ATP9B: variants seen among roughly 807,000 people sequenced by gnomAD.
ATP9B encodes the protein probable phospholipid-transporting ATPase IIB.
A neutral mutation model predicts 146.1 loss-of-function variants in ATP9B; 110 were observed. The ratio of observed to expected loss-of-function variants is 0.75; its 90% CI spans 0.65 to 0.88. The LOEUF (loss-of-function observed/expected upper bound fraction) is 0.88. Ranked by LOEUF, ATP9B falls within the 40% of genes least tolerant of loss-of-function variation. ATP9B has a pLI of 0.00. For missense variants in ATP9B, 1,499 were observed against 1,496.4 expected, an observed-to-expected ratio of 1.00 and a Z score of -0.03; for synonymous variants, 604 against 569.7, an observed-to-expected ratio of 1.06 and a Z score of -0.86.
intron 13 of ATP9B, among the ~76,000 whole-genome samples, chr18:79,280,168 G>A (rs770586338): frequency 6.6e-6 from 1 of 152,112 alleles, no homozygotes; most frequent in East Asian, 1.9e-4. Context: ...GATGGAGTAC[G>A]GATATTGACA....
At chr18:79,103,984 C>T (rs1426902250) in intron 2 of ATP9B, among the ~76,000 whole-genome samples, 1 of 152,184 alleles carries the variant, frequency 6.6e-6, no homozygotes, top group Non-Finnish European at 1.5e-5. Context: ...CCACTATTTA[C>T]AGCCAAGAAC....
At chr18:79,124,710 G>A (rs575314380) in intron 4 of ATP9B, among the ~76,000 whole-genome samples, 5 of 152,358 alleles carry the variant, frequency 3.3e-5, no homozygotes, top group Non-Finnish European at 2.9e-5. Context: ...CTATTCGTAA[G>A]GTTAGGGGTT....
At chr18:79,164,621 C>T (rs992649015) in intron 7 of ATP9B, among the ~76,000 whole-genome samples, 2 of 151,862 alleles carry the variant, frequency 1.3e-5, no homozygotes, top group Non-Finnish European at 2.9e-5. Context: ...CAGGAGGCTG[C>T]GGCAGGAGAA....
At chr18:79,290,822 G>A (rs1033481746) in intron 13 of ATP9B, among the ~76,000 whole-genome samples, 2 of 152,214 alleles carry the variant, frequency 1.3e-5, no homozygotes, top group African/African-American at 4.8e-5. Context: ...CGCTGATTAT[G>A]TATGTGTCTT....
At chr18:79,130,926 C>T (rs568980990) in intron 5 of ATP9B, among the ~76,000 whole-genome samples, 73 of 152,208 alleles carry the variant, frequency 4.8e-4, no homozygotes, top group African/African-American at 1.6e-3. Context: ...TTTGGGAGGC[C>T]GAGGCAGGTG....
chr18:79,198,603 A>ATATGGTGTGTTACAACT (rs2095438203), intron 9 of ATP9B, among the ~76,000 whole-genome samples: 2 of 152,200 alleles, frequency 1.3e-5, no homozygotes, highest in African/African-American at 4.8e-5. Context: ...TATATGGTGT[A>ATATGGTGTGTTACAACT]GCCTGTTGCT....
At chr18:79,373,144 A>G (rs972162481) in intron 27 of ATP9B, among the ~76,000 whole-genome samples, 3 of 152,038 alleles carry the variant, frequency 2.0e-5, no homozygotes, top group African/African-American at 7.2e-5. Context: ...CACTTACCAC[A>G]TTGTATACCC....
chr18:79,098,049 C>G (rs2074950357), intron 2 of ATP9B, among the ~76,000 whole-genome samples: 1 of 151,774 alleles, frequency 6.6e-6, no homozygotes, highest in Non-Finnish European at 1.5e-5. Context: ...AGATATAGAT[C>G]AATGGAACAG....
intron 22 of ATP9B, 78 bp from the exon 23 acceptor site, chr18:79,345,697 A>G (rs2147488308): frequency 6.2e-7 from 1 of 1,605,020 alleles, no homozygotes; most frequent in Non-Finnish European, 8.5e-7. Context: ...GAAGTTTCTG[A>G]AATAGCTTCT....
intron 29 of ATP9B, among the ~76,000 whole-genome samples, chr18:79,376,863 G>A (rs2097106148): frequency 6.6e-6 from 1 of 151,846 alleles, no homozygotes; most frequent in Non-Finnish European, 1.5e-5. Flanking sequence ...CCCGGCTAAT[G>A]TTTTGTTGTC....
chr18:79,255,612 G>C (rs1316342848), intron 12 of ATP9B, among the ~76,000 whole-genome samples: 2 of 152,234 alleles, frequency 1.3e-5, no homozygotes, highest in Non-Finnish European at 2.9e-5. Flanking sequence ...AGGCAAAGCA[G>C]GCTGCAGTGA....
chr18:79,142,951 A>C (rs2094531920), intron 5 of ATP9B, among the ~76,000 whole-genome samples: 1 of 152,242 alleles, frequency 6.6e-6, no homozygotes, highest in Non-Finnish European at 1.5e-5. Flanking sequence ...AAAAGGAAGG[A>C]ACATTTTCCC....
intron 13 of ATP9B, among the ~76,000 whole-genome samples, chr18:79,277,875 T>C (rs1170117672): frequency 2.0e-5 from 3 of 152,330 alleles, no homozygotes; most frequent in Middle Eastern, 3.4e-3. Flanking sequence ...AGAATACTTA[T>C]ATAGCGTGAT....
intron 4 of ATP9B, among the ~76,000 whole-genome samples, chr18:79,114,616 G>C (rs1599651962): frequency 6.6e-6 from 1 of 152,276 alleles, no homozygotes; most frequent in African/African-American, 2.4e-5. Context: ...TCATAGTAGG[G>C]TGGATTTGAG....
At chr18:79,284,271 G>A (rs1223170141) in intron 13 of ATP9B, among the ~76,000 whole-genome samples, 1 of 152,166 alleles carries the variant, frequency 6.6e-6, no homozygotes, top group Non-Finnish European at 1.5e-5. Context: ...TTCAGTTACA[G>A]CAAATATGAG....
rs1204371342 is a variant in ATP9B, at chr18:79,330,109, G to A, written c.2028+5G>A. 6.2e-7 allele frequency: 1 copy of A among 1,613,560 alleles called. No homozygotes were observed. Among genetic ancestry groups the A allele is most frequent in the Admixed American group, 1.7e-5 (1 of 60,024 alleles). On this transcript the variant is annotated splice_donor_5th_base_variant and intron_variant, in intron 17 of 29. Transcript: ENST00000426216. ...AATGACTGGCTGGAAGAGGAGGTAT[G>A]TGAGTGACTCTAGCGTGGTTCACAG...
intron 15 of ATP9B, among the ~76,000 whole-genome samples, chr18:79,310,783 A>AG (rs2096648180): frequency 7.0e-6 from 1 of 143,030 alleles, no homozygotes; most frequent in South Asian, 2.6e-4. Context: ...GCAGACTTCC[A>AG]GGGGTTTTTT....
chr18:79,289,249 C>T (rs539177080), intron 13 of ATP9B, among the ~76,000 whole-genome samples: 281 of 152,314 alleles, frequency 1.8e-3, no homozygotes, highest in African/African-American at 6.6e-3. Flanking sequence ...CTTTCAGGTA[C>T]GCCAATCAGA....
At chr18:79,218,711 C>T (rs993780970) in intron 11 of ATP9B, among the ~76,000 whole-genome samples, 3 of 152,362 alleles carry the variant, frequency 2.0e-5, no homozygotes, top group South Asian at 4.1e-4. Context: ...CTTGGAAACA[C>T]ATTTCCATGA....
Sources: gnomAD v4.1 joint callset for allele counts (sites outside exome capture counted in the v4.1 genomes callset) on GRCh38, gnomAD v4.1.1 for gene constraint, MANE v1.5 for transcripts, NCBI Gene and HGNC (gene_info 2026-07-23, HGNC 2026-07-21) for gene names.